The following DNAJC18 variants were observed in gnomAD, a reference collection of about 807,000 sequenced individuals.
The protein encoded by DNAJC18 is DnaJ heat shock protein family (Hsp40) member C18, also known as dnaJ homolog subfamily C member 18.
In DNAJC18, 40 loss-of-function variants were observed where a neutral mutation model predicts 48.6. The ratio of observed to expected loss-of-function variants is 0.82; its 90% CI spans 0.64 to 1.07. DNAJC18 has a LOEUF of 1.07. Among genes scored for constraint, DNAJC18 ranks in the 50% least tolerant of loss-of-function variants. The probability of loss-of-function intolerance (pLI) is 0.00; values close to 1 mark genes in which losing one functional copy is unlikely to be tolerated. For missense variants in DNAJC18, 340 were observed against 427.7 expected (o/e 0.79, Z 1.81); for synonymous variants, 135 against 152.2 (o/e 0.89, Z 0.83).
At chr5:139,414,356 T>C in intron 7 of DNAJC18, 84 bp from the exon 8 acceptor site, 3 of 1,509,328 alleles carry the variant, frequency 2.0e-6, no homozygotes. Context: ...AAGCTCCTTT[T>C]ACTTCATTTC....
intron 6 of DNAJC18, 134 bp from the exon 7 acceptor site, chr5:139,420,359 C>T: frequency 2.3e-6 from 2 of 853,066 alleles, no homozygotes; most frequent in Non-Finnish European, 3.5e-6. Flanking sequence ...ATATACCCAA[C>T]ACTTCTTATT....
chr5:139,429,660 C>T (rs960291361), intron 2 of DNAJC18, among the ~76,000 whole-genome samples: 1 of 152,112 alleles, frequency 6.6e-6, no homozygotes, highest in African/African-American at 2.4e-5. Flanking sequence ...CGTGGTGGCT[C>T]ACTCTTGTAA....
At chr5:139,418,827 C>T (rs1015078339) in intron 7 of DNAJC18, 1 of 456,162 alleles carries the variant, frequency 2.2e-6, no homozygotes, top group African/African-American at 2.0e-5. Context: ...AGGACTGTGC[C>T]AGAACCCTGG....
At chr5:139,430,067 T>C (rs771247646) in intron 2 of DNAJC18, among the ~76,000 whole-genome samples, 1 of 152,228 alleles carries the variant, frequency 6.6e-6, no homozygotes, top group Non-Finnish European at 1.5e-5. Context: ...CAACGTTTTA[T>C]ACTCTTAAAA....
rs570846146 is a variant in DNAJC18, at chr5:139,422,511, A to G, written c.779+197T>C. On this transcript the variant is annotated intron_variant, in intron 6 of 7. Coordinates refer to ENST00000302060, the MANE Select transcript of DNAJC18 (RefSeq NM_152686.4). ...ATGTCACTATAGAACAAGACAATCT[A>G]TTTCCCGAGGCACACAGGAGACTGC... is the stretch of plus-strand genomic sequence containing the variant. Among the ~76,000 whole-genome samples the G allele has an allele frequency of 1.0e-3, 155 of 152,294 alleles. 1 individual carries two copies. The highest frequency in any genetic ancestry group is 1.6e-3 in the Non-Finnish European group (106 of 68,024).
At chr5:139,431,935 T>G (rs1264098938) in intron 2 of DNAJC18, among the ~76,000 whole-genome samples, 1 of 152,234 alleles carries the variant, frequency 6.6e-6, no homozygotes, top group Non-Finnish European at 1.5e-5. Flanking sequence ...TGACTAAAGA[T>G]GTTGAACAAG....
chr5:139,434,721 C>T (rs981250421), intron 2 of DNAJC18, among the ~76,000 whole-genome samples: 2 of 150,936 alleles, frequency 1.3e-5, no homozygotes, highest in African/African-American at 4.9e-5. Context: ...TAACTTTGTC[C>T]AACTTGTTTA....
At position 139,411,721 on chromosome 5, in the gene DNAJC18, T is replaced by C. The variant is rs1758998627; in HGVS notation, c.*2427A>G. The C allele has an allele frequency of 6.6e-6, 1 of 152,176 alleles. No individual in the cohort carries two copies. The highest frequency in any genetic ancestry group is 1.5e-5 in the Non-Finnish European group (1 of 68,032). The allele number at this position is 152,176 out of a possible 1,614,324, so 9.4% of individuals were successfully genotyped here. Reference sequence around the variant, plus strand: ...TAAAAACAGACAATCAGCGTGACATTTAATGGAGTTAGTTATTATTGCTTC... The same window carrying C: ...TAAAAACAGACAATCAGCGTGACATCTAATGGAGTTAGTTATTATTGCTTC... On this transcript the variant is annotated 3_prime_UTR_variant, in exon 8 of 8. Coordinates refer to ENST00000302060, the MANE Select transcript of DNAJC18 (RefSeq NM_152686.4).
intron 6 of DNAJC18, among the ~76,000 whole-genome samples, chr5:139,420,946 G>C (rs1759142695): frequency 6.6e-6 from 1 of 152,050 alleles, no homozygotes. Flanking sequence ...ATTTTATTTG[G>C]CCTTTTTCCG....
Position 139,439,431 on chromosome 5 carries a change from C to T in DNAJC18, c.15G>A (p.Leu5=). MAAT[L]GSGERWTEAY... ...CTTCCGTCCAGCGCTCCCCGCTGCCCAGAGTCGCCGCCATATCGGTTCCCA... is the reference window on the plus strand; with the variant it reads ...CTTCCGTCCAGCGCTCCCCGCTGCCTAGAGTCGCCGCCATATCGGTTCCCA... The change falls in exon 1 of 8, where the codon CTG becomes CTA. Residue 5 remains leucine (L), a synonymous_variant. Coordinates refer to ENST00000302060, the MANE Select transcript of DNAJC18 (RefSeq NM_152686.4). The surrounding 1 kb of genome is among the most constrained non-coding windows in gnomAD (Gnocchi z 4.1). The T allele has an allele frequency of 6.2e-7, 1 of 1,613,888 alleles. No individual in the cohort carries two copies. The highest frequency in any genetic ancestry group is 1.1e-5 in the South Asian group (1 of 91,084).
chr5:139,417,187 C>CA lies in DNAJC18; in HGVS notation c.952+2865dup, dbSNP rs57657416. 7.8e-3 allele frequency among the ~76,000 whole-genome samples: 853 copies of CA among 109,504 alleles called. 6 individuals carry two copies. The highest frequency in any genetic ancestry group is 0.058 in the East Asian group (198 of 3,412). The allele number at this position is 109,504 out of a possible 152,430, so 71.8% of individuals were successfully genotyped here. On this transcript the variant is annotated intron_variant, in intron 7 of 7. Transcript: ENST00000302060. Reference sequence around the variant, plus strand: ...CCTGAGCGAGAGAGCGAGACTCTGTCAAAAAAAAAAAAAAAAAAAATTTTC... The same window carrying CA: ...CCTGAGCGAGAGAGCGAGACTCTGTCAAAAAAAAAAAAAAAAAAAAATTTTC...
intron 2 of DNAJC18, among the ~76,000 whole-genome samples, chr5:139,434,886 T>G (rs1036916658): frequency 6.6e-6 from 1 of 152,144 alleles, no homozygotes; most frequent in Non-Finnish European, 1.5e-5. Context: ...GGCTTGACCC[T>G]CTAGTACAAT....
chr5:139,432,098 G>C (rs1323132524), intron 2 of DNAJC18, among the ~76,000 whole-genome samples: 1 of 151,638 alleles, frequency 6.6e-6, no homozygotes, highest in Non-Finnish European at 1.5e-5. Context: ...GTACGTTCCA[G>C]ATAAAGTCCC....
rs184705259 is a variant in DNAJC18 at position 139,413,971 on chromosome 5, G to T, written c.*177C>A. ...GTCCCTGGAGCCACTCCCCAGGAAG[G>T]ATCCTGTGAAGACACATCTGGCTCT... On this transcript the variant is annotated 3_prime_UTR_variant, in exon 8 of 8. Coordinates refer to ENST00000302060, the MANE Select transcript of DNAJC18 (RefSeq NM_152686.4). 6.7e-4 allele frequency: 581 copies of T among 863,500 alleles called. 4 individuals carry two copies. The African/African-American group carries it at 8.9e-3, about 13-fold the overall frequency. The allele number at this position is 863,500 out of a possible 1,614,324, so 53.5% of individuals were successfully genotyped here. A position where few individuals can be genotyped will look rare whatever the true frequency, so the allele number is the denominator to read the frequency against.
intron 7 of DNAJC18, chr5:139,418,585 C>T: frequency 9.1e-6 from 3 of 330,172 alleles, no homozygotes; most frequent in South Asian, 4.8e-5. Context: ...TTTCCTCTTC[C>T]TGTTTAATTT....
At chr5:139,420,259 A>G in intron 6 of DNAJC18, 34 bp from the exon 7 acceptor site, 1 of 1,576,536 alleles carries the variant, frequency 6.3e-7, no homozygotes, top group Non-Finnish European at 8.6e-7. Flanking sequence ...ATGTGAGCTC[A>G]TAATATTTGG....
At chr5:139,415,421 A>G (rs1376765435) in intron 7 of DNAJC18, among the ~76,000 whole-genome samples, 2 of 152,098 alleles carry the variant, frequency 1.3e-5, no homozygotes, top group Non-Finnish European at 2.9e-5. Flanking sequence ...TAAGTGCAGG[A>G]CTCCAGAGTG....
intron 3 of DNAJC18, among the ~76,000 whole-genome samples, chr5:139,427,507 G>A (rs1412666659): frequency 6.6e-6 from 1 of 152,140 alleles, no homozygotes; most frequent in East Asian, 1.9e-4. Context: ...TTGCCACTCT[G>A]TTACCTACAA....
chr5:139,428,911 C>A (rs1470189917), intron 2 of DNAJC18, among the ~76,000 whole-genome samples: 1 of 151,898 alleles, frequency 6.6e-6, no homozygotes, highest in African/African-American at 2.4e-5. Flanking sequence ...TTCCTATATC[C>A]CTGCAAGTGA....
Sources: allele counts gnomAD v4.1 joint callset (sites outside exome capture counted in the v4.1 genomes callset), GRCh38; gene constraint gnomAD v4.1.1; non-coding constraint Gnocchi (gnomAD v3.1); transcripts MANE v1.5; gene names NCBI Gene and HGNC (gene_info 2026-07-23, HGNC 2026-07-21).